MDGA2: variants seen among roughly 807,000 people sequenced by gnomAD.
MDGA2 encodes MAM domain-containing glycosylphosphatidylinositol anchor protein 2.
MDGA2 carries 40 observed loss-of-function variants against 117.8 expected under a neutral mutation model. The observed-to-expected ratio is 0.34, with a 90% confidence interval of 0.26 to 0.44. The LOEUF (loss-of-function observed/expected upper bound fraction) is 0.44, where lower values mean the gene tolerates loss of function less well. MDGA2 is among the 20% of genes least tolerant of loss of function. MDGA2 has a pLI of 1.00. For synonymous variants in MDGA2, 452 were observed against 439.0 expected, an observed-to-expected ratio of 1.03 and a Z score of -0.37; for missense variants, 1,123 against 1,250.6, an observed-to-expected ratio of 0.90 and a Z score of 1.54.
At position 46,879,875 on chromosome 14, in the gene MDGA2, T is replaced by C. The variant is rs372583262; in HGVS notation, c.2416+2169A>G. On this transcript the variant is annotated intron_variant, in intron 11 of 16. Transcript: ENST00000399232. ...GTAAGTACAAACAACTTTAATGAGT[T>C]GTTAATAGTTTTACTTCATATTTCA... 3.9e-5 allele frequency among the ~76,000 whole-genome samples: 6 copies of C among 152,194 alleles called. No individual in the cohort carries two copies. The East Asian group carries it at 7.7e-4, about 20-fold the overall frequency.
Position 47,409,306 on chromosome 14 carries a change from T to A in MDGA2, c.281-107756A>T, listed in dbSNP as rs1217603428. 2.0e-5 allele frequency among the ~76,000 whole-genome samples: 3 copies of A among 152,312 alleles called. No individual in the cohort carries two copies. In the East Asian group the frequency reaches 5.8e-4, roughly 29 times the overall value. On this transcript the variant is annotated intron_variant, in intron 1 of 16. Coordinates refer to ENST00000399232, the MANE Select transcript of MDGA2 (RefSeq NM_001113498.3). The stretch of plus-strand genomic sequence containing the variant: ...GGGAACTTAACTAAGGTTTTAAAGA[T>A]GGAGGTGATGGGAAGGGACTCTGCT...
At chr14:47,279,254 A>G (rs542586772) in intron 2 of MDGA2, among the ~76,000 whole-genome samples, 1 of 152,272 alleles carries the variant, frequency 6.6e-6, no homozygotes, top group East Asian at 1.9e-4. Context: ...ATTATCAATT[A>G]CTTTTTTCTC....
intron 1 of MDGA2, among the ~76,000 whole-genome samples, chr14:47,668,040 A>C (rs1407328758): frequency 3.3e-5 from 5 of 152,240 alleles, no homozygotes; most frequent in Non-Finnish European, 5.9e-5. Flanking sequence ...TGTAATAGCC[A>C]AAAATATGTT....
chr14:47,325,557 A>G (rs993145733), intron 1 of MDGA2, among the ~76,000 whole-genome samples: 17 of 152,204 alleles, frequency 1.1e-4, no homozygotes, highest in Non-Finnish European at 2.4e-4. Flanking sequence ...ATAGATCATC[A>G]CTTAATATGA....
At chr14:47,423,294 T>G (rs1892617655) in intron 1 of MDGA2, among the ~76,000 whole-genome samples, 1 of 152,206 alleles carries the variant, frequency 6.6e-6, no homozygotes, top group Admixed American at 6.5e-5. Flanking sequence ...AATTCACTTC[T>G]GTGAGTTAAC....
chr14:47,398,660 TG>T (rs1892068773), intron 1 of MDGA2, among the ~76,000 whole-genome samples: 2 of 152,172 alleles, frequency 1.3e-5, no homozygotes, highest in Non-Finnish European at 1.5e-5. Flanking sequence ...AGGTGTGACT[TG>T]AACTCAGGTT....
chr14:47,498,099 A>G (rs1894320117), intron 1 of MDGA2, among the ~76,000 whole-genome samples: 1 of 152,192 alleles, frequency 6.6e-6, no homozygotes, highest in Non-Finnish European at 1.5e-5. Context: ...CTGAAAGTTA[A>G]GTAATCATCT....
At chr14:46,839,832 C>T (rs1439275880), downstream of MDGA2, among the ~76,000 whole-genome samples, 1 of 151,852 alleles carries the variant, frequency 6.6e-6, no homozygotes, top group African/African-American at 2.4e-5. Context: ...AAACTGGTCC[C>T]CTTTTGAACT....
chr14:46,983,850 C>A (rs1954229), intron 8 of MDGA2, among the ~76,000 whole-genome samples: 18,922 of 151,886 alleles, frequency 0.12, 1,370 homozygotes, highest in Non-Finnish European at 0.16. Context: ...TGCTAACCTC[C>A]TAATACTTAT....
Position 47,097,015 on chromosome 14 carries a change from G to A in MDGA2, c.1034C>T (p.Thr345Ile), listed in dbSNP as rs751457673. 6 of 1,613,304 alleles carry A rather than the reference G, an allele frequency of 3.7e-6. No homozygotes were observed. In the South Asian group the frequency reaches 5.5e-5, roughly 15 times the overall value. Residue 345 changes from threonine to isoleucine, a missense_variant, in exon 6 of 17, where the codon ACC (threonine) becomes ATC (isoleucine). This residue lies in a region of MDGA2 where 890 missense variants were observed against 1,050.3 expected (regional missense o/e 0.85). Transcript: ENST00000399232. ...TTGGEPAPSL[T>I]WVRSFGTLPE... ...CAGAGTCCCAAAGGACCTGACCCAG[G>A]TGAGAGAAGGTGCAGGCTCTCCTCC...
At chr14:47,268,823 G>C (rs956637020) in intron 2 of MDGA2, among the ~76,000 whole-genome samples, 1 of 152,166 alleles carries the variant, frequency 6.6e-6, no homozygotes, top group East Asian at 1.9e-4. Flanking sequence ...TCTATGAGTA[G>C]ATAAATTATT....
At chr14:47,026,336 T>A (rs1240945222) in intron 8 of MDGA2, among the ~76,000 whole-genome samples, 6 of 152,126 alleles carry the variant, frequency 3.9e-5, no homozygotes, top group Non-Finnish European at 8.8e-5. Context: ...TTAATTAAAG[T>A]ACTCTTTTGA....
chr14:47,104,495 G>C (rs1300747345), intron 5 of MDGA2, among the ~76,000 whole-genome samples: 1 of 135,518 alleles, frequency 7.4e-6, no homozygotes, highest in Non-Finnish European at 1.5e-5. Flanking sequence ...CTACCCGCCA[G>C]AGAACAAACC....
At chr14:47,438,317 A>T (rs577009355) in intron 1 of MDGA2, among the ~76,000 whole-genome samples, 8 of 152,242 alleles carry the variant, frequency 5.3e-5, no homozygotes, top group Admixed American at 5.2e-4. Flanking sequence ...TCAACAGCAT[A>T]CCGAAAGTTA....
chr14:47,387,699 C>T (rs1891793066), intron 1 of MDGA2, among the ~76,000 whole-genome samples: 1 of 152,156 alleles, frequency 6.6e-6, no homozygotes, highest in Non-Finnish European at 1.5e-5. Context: ...TTATTTTTAA[C>T]ATATTTATAC....
At chr14:47,616,062 G>C (rs1243230129) in intron 1 of MDGA2, among the ~76,000 whole-genome samples, 1 of 152,174 alleles carries the variant, frequency 6.6e-6, no homozygotes, top group Admixed American at 6.5e-5. Flanking sequence ...GTGAGGAAGA[G>C]AGATCAGGAC....
intron 1 of MDGA2, among the ~76,000 whole-genome samples, chr14:47,617,282 T>C (rs1237542302): frequency 1.3e-5 from 2 of 151,934 alleles, no homozygotes; most frequent in Non-Finnish European, 2.9e-5. Context: ...TTCGGCTCAC[T>C]GCAACCTCTG....
intron 6 of MDGA2, among the ~76,000 whole-genome samples, chr14:47,069,950 C>T (rs7157986): frequency 0.2 from 30,327 of 152,028 alleles, 3,070 homozygotes; most frequent in Admixed American, 0.29. Flanking sequence ...ATACTATTGA[C>T]CTGGCGCATC....
chr14:47,142,942 T>C (rs1882786488), intron 4 of MDGA2, among the ~76,000 whole-genome samples: 1 of 152,248 alleles, frequency 6.6e-6, no homozygotes, highest in African/African-American at 2.4e-5. Flanking sequence ...TAATTTACAA[T>C]CTATTTGCAA....
Sources: allele counts gnomAD v4.1 joint callset (sites outside exome capture counted in the v4.1 genomes callset), GRCh38; gene constraint gnomAD v4.1.1; regional missense constraint gnomAD v4.1.1; transcripts MANE v1.5; gene names NCBI Gene and HGNC (gene_info 2026-07-23, HGNC 2026-07-21).